XKR4: variants seen among roughly 807,000 people sequenced by gnomAD.
XKR4 encodes the protein XK-related protein 4.
XKR4 carries 12 observed loss-of-function variants against 53.9 expected under a neutral mutation model. The ratio of observed to expected loss-of-function variants is 0.22; its 90% CI spans 0.14 to 0.36. The LOEUF (loss-of-function observed/expected upper bound fraction) is 0.36, where lower values mean the gene tolerates loss of function less well. XKR4 is among the 10% of genes least tolerant of loss of function. XKR4 has a pLI of 1.00. For synonymous variants in XKR4, 354 were observed against 362.4 expected (o/e 0.98, Z 0.26); for missense variants, 799 against 859.5 (o/e 0.93, Z 0.88).
In XKR4 at chr8:55,324,527, A is replaced by G. The variant is rs1803266164; in HGVS notation, c.807-33151A>G. Among the ~76,000 whole-genome samples, 3 of 152,200 alleles carry G rather than the reference A, an allele frequency of 2.0e-5. No individual in the cohort carries two copies. In the South Asian group the frequency reaches 6.2e-4, roughly 31 times the overall value. On this transcript the variant is annotated intron_variant, in intron 1 of 2. Coordinates refer to ENST00000327381, the MANE Select transcript of XKR4 (RefSeq NM_052898.2). Reference sequence around the variant, plus strand: ...GAAGTACACATGTTCTCATTATTATACAAACATGCCATTTTCCTCTGACCA... The same window carrying G: ...GAAGTACACATGTTCTCATTATTATGCAAACATGCCATTTTCCTCTGACCA...
At chr8:55,398,206 G>A (rs538427991) in intron 2 of XKR4, among the ~76,000 whole-genome samples, 71 of 152,196 alleles carry the variant, frequency 4.7e-4, no homozygotes, top group African/African-American at 1.5e-3. Context: ...AGCAAAAAGC[G>A]TTCCCAGAAG....
chr8:55,303,786 G>C (rs1042856741), intron 1 of XKR4, among the ~76,000 whole-genome samples: 2 of 152,198 alleles, frequency 1.3e-5, no homozygotes, highest in Non-Finnish European at 2.9e-5. Context: ...TATTTGCGTA[G>C]ACGTGTTTGT....
At chr8:55,132,322 C>A (rs188656778) in intron 1 of XKR4, among the ~76,000 whole-genome samples, 1 of 152,088 alleles carries the variant, frequency 6.6e-6, no homozygotes, top group Non-Finnish European at 1.5e-5. Context: ...GTATAGTTGT[C>A]CCCCCTTATC....
At chr8:55,236,820 G>A (rs1236782268) in intron 1 of XKR4, among the ~76,000 whole-genome samples, 2 of 152,128 alleles carry the variant, frequency 1.3e-5, no homozygotes, top group Non-Finnish European at 2.9e-5. Context: ...GCCTTGGAGA[G>A]GGAGCCAAGG....
chr8:55,454,467 G>A, intron 2 of XKR4: 1 of 1,176,768 alleles, frequency 8.5e-7, no homozygotes, highest in Non-Finnish European at 1.2e-6. Context: ...AGAACCTCGT[G>A]CTCCATGAGG....
Position 55,524,345 on chromosome 8 carries a change from G to C in XKR4, c.*118G>C. The C allele has an allele frequency of 1.0e-6, 1 of 981,184 alleles. No individual in the cohort carries two copies. The highest frequency in any genetic ancestry group is 1.7e-5 in the South Asian group (1 of 58,952). 60.8% of individuals were successfully genotyped at this position (981,184 alleles called of 1,614,324 possible). A position where few individuals can be genotyped will look rare whatever the true frequency, so the allele number is the denominator to read the frequency against. On this transcript the variant is annotated 3_prime_UTR_variant, in exon 3 of 3. Transcript: ENST00000327381. ...GAGCCGTGAAGTTCCTAGTGGGACC[G>C]TCATCACCATTATCATTTGATCCTG...
chr8:55,212,123 A>G (rs1009577220), intron 1 of XKR4, among the ~76,000 whole-genome samples: 2 of 151,884 alleles, frequency 1.3e-5, no homozygotes, highest in Non-Finnish European at 2.9e-5. Flanking sequence ...GTGAAAAAAA[A>G]AAAAGGCAGA....
chr8:55,434,837 G>A (rs1805151622), intron 2 of XKR4, among the ~76,000 whole-genome samples: 1 of 152,184 alleles, frequency 6.6e-6, no homozygotes, highest in African/African-American at 2.4e-5. Flanking sequence ...TTGCCCCAGA[G>A]CTGTCCTTGT....
rs77628787 is a variant in XKR4, at chr8:55,417,598, T to A, written c.1006+59721T>A. 6.8e-3 allele frequency among the ~76,000 whole-genome samples: 1,031 copies of A among 152,304 alleles called. 6 individuals are homozygous for A. The highest frequency in any genetic ancestry group is 0.022 in the African/African-American group (934 of 41,550). ...TCCAACTTTCAAAAAAGTGTAGCTG[T>A]AGGGTATTATCATTTTGCTGGATGT... is the stretch of plus-strand genomic sequence containing the variant. On this transcript the variant is annotated intron_variant, in intron 2 of 2. Coordinates refer to ENST00000327381, the MANE Select transcript of XKR4 (RefSeq NM_052898.2).
chr8:55,415,460 C>A (rs1804833667), intron 2 of XKR4, among the ~76,000 whole-genome samples: 1 of 152,130 alleles, frequency 6.6e-6, no homozygotes, highest in Admixed American at 6.5e-5. Flanking sequence ...GGAAAAGATA[C>A]AGATCCTTAG....
At chr8:55,275,169 TTCA>T (rs1818746874) in intron 1 of XKR4, among the ~76,000 whole-genome samples, 1 of 152,188 alleles carries the variant, frequency 6.6e-6, no homozygotes, top group Non-Finnish European at 1.5e-5. Flanking sequence ...AAGTAAAATA[TTCA>T]TCATTTCAAA....
At chr8:55,121,507 G>A (rs1036344854) in intron 1 of XKR4, among the ~76,000 whole-genome samples, 13 of 152,104 alleles carry the variant, frequency 8.5e-5, no homozygotes, top group African/African-American at 3.1e-4. Flanking sequence ...ATGCTTTATA[G>A]TACAGATCAC....
At position 55,324,092 on chromosome 8, in the gene XKR4, A is replaced by G. The variant is rs146834330; in HGVS notation, c.807-33586A>G. Among the ~76,000 whole-genome samples, 853 of 152,178 alleles carry G rather than the reference A, an allele frequency of 5.6e-3. 8 individuals are homozygous for G. Among genetic ancestry groups the G allele is most frequent in the African/African-American group, 0.019 (799 of 41,518 alleles). ...TAACATCTGGGTTATCTTAGGGTTG[A>G]CATTTTTTATTGTCTTTTTTTGAGA... is the stretch of plus-strand genomic sequence containing the variant. On this transcript the variant is annotated intron_variant, in intron 1 of 2. Transcript: ENST00000327381.
At chr8:55,203,356 T>C (rs1817601587) in intron 1 of XKR4, among the ~76,000 whole-genome samples, 1 of 152,214 alleles carries the variant, frequency 6.6e-6, no homozygotes, top group Non-Finnish European at 1.5e-5. Flanking sequence ...GAAGACGACA[T>C]GGCACAGATG....
At chr8:55,274,006 A>T (rs1357339563) in intron 1 of XKR4, among the ~76,000 whole-genome samples, 1 of 152,228 alleles carries the variant, frequency 6.6e-6, no homozygotes, top group Non-Finnish European at 1.5e-5. Context: ...GGAAGAATAC[A>T]GGAATGAGGC....
At chr8:55,291,209 C>A (rs137929951) in intron 1 of XKR4, among the ~76,000 whole-genome samples, 51 of 152,182 alleles carry the variant, frequency 3.4e-4, no homozygotes, top group Middle Eastern at 3.4e-3. Context: ...ATTCCATATT[C>A]TTTTCCATTA....
rs1819154894 is a variant in XKR4 at position 55,299,691 on chromosome 8, G to T, written c.807-57987G>T. On this transcript the variant is annotated intron_variant, in intron 1 of 2. Coordinates refer to ENST00000327381, the MANE Select transcript of XKR4 (RefSeq NM_052898.2). Reference sequence around the variant, plus strand: ...GAACGACTTGGTGACTTGGTATACAGAGTGAAGAACAGGAAGGGCCAGGGT... The same window carrying T: ...GAACGACTTGGTGACTTGGTATACATAGTGAAGAACAGGAAGGGCCAGGGT... 2.0e-5 allele frequency among the ~76,000 whole-genome samples: 3 copies of T among 152,138 alleles called. No individual in the cohort carries two copies. The South Asian group carries it at 6.2e-4, about 32-fold the overall frequency.
At chr8:55,167,042 G>A (rs1420588208) in intron 1 of XKR4, among the ~76,000 whole-genome samples, 1 of 152,170 alleles carries the variant, frequency 6.6e-6, no homozygotes, top group Non-Finnish European at 1.5e-5. Flanking sequence ...CAAAAGTGGT[G>A]GAAGGTGACC....
At chr8:55,359,525 T>C (rs1803869965) in intron 2 of XKR4, among the ~76,000 whole-genome samples, 1 of 152,204 alleles carries the variant, frequency 6.6e-6, no homozygotes, top group African/African-American at 2.4e-5. Context: ...ATGAATTTAG[T>C]GCTCATCTCC....
Sources: allele counts gnomAD v4.1 joint callset (sites outside exome capture counted in the v4.1 genomes callset), GRCh38; gene constraint gnomAD v4.1.1; transcripts MANE v1.5; gene names NCBI Gene and HGNC (gene_info 2026-07-23, HGNC 2026-07-21).